RAB11FIP4: variants seen among roughly 807,000 people sequenced by gnomAD.
RAB11FIP4 encodes rab11 family-interacting protein 4.
Under a neutral mutation model 74.3 loss-of-function variants are expected in RAB11FIP4, and 23 were observed. The observed-to-expected ratio is 0.31, with a 90% CI of 0.22 to 0.44. The LOEUF (loss-of-function observed/expected upper bound fraction) is 0.44. Ranked by LOEUF, RAB11FIP4 falls within the 20% of genes least tolerant of loss-of-function variation. The pLI, the probability that RAB11FIP4 is intolerant of heterozygous loss-of-function variation, is 1.00. For synonymous variants in RAB11FIP4, 360 were observed against 359.9 expected (o/e 1.00, Z 0.00); for missense variants, 630 against 863.9 (o/e 0.73, Z 3.39).
intron 5 of RAB11FIP4, 149 bp from the exon 6 acceptor site, chr17:31,521,766 G>C: frequency 1.2e-6 from 1 of 833,264 alleles, no homozygotes. Flanking sequence ...GAGAAGGGAT[G>C]ATCTGTTGCT....
intron 1 of RAB11FIP4, among the ~76,000 whole-genome samples, chr17:31,393,950 G>T (rs150848259): frequency 6.6e-6 from 1 of 152,084 alleles, no homozygotes; most frequent in African/African-American, 2.4e-5. Context: ...TATGCACACA[G>T]CTTAGGGTGG....
At chr17:31,524,970 A>T in intron 9 of RAB11FIP4, 120 bp from the exon 10 acceptor site, 2 of 1,204,232 alleles carry the variant, frequency 1.7e-6, no homozygotes, top group Non-Finnish European at 2.4e-6. Flanking sequence ...ACTGGCCCAC[A>T]CGCCCTCAGT....
chr17:31,417,559 C>T (rs1344233720), intron 1 of RAB11FIP4, among the ~76,000 whole-genome samples: 1 of 152,218 alleles, frequency 6.6e-6, no homozygotes, highest in Non-Finnish European at 1.5e-5. Flanking sequence ...TAGACGATGT[C>T]AGGTGCCCAG....
chr17:31,478,936 T>C lies in RAB11FIP4; in HGVS notation c.337-38715T>C, dbSNP rs921782304. ...ATTGCTCATGGTCTTCAATCATCCT[T>C]ACCAATTAGTTTCTGCTGCTTCCCA... On this transcript the variant is annotated intron_variant, in intron 3 of 14. Coordinates refer to ENST00000621161, the MANE Select transcript of RAB11FIP4 (RefSeq NM_032932.6). Among the ~76,000 whole-genome samples, 11 of 152,356 alleles carry C rather than the reference T, an allele frequency of 7.2e-5. No homozygotes were observed. The East Asian group carries it at 1.9e-3, about 27-fold the overall frequency.
rs983307291 is a variant in RAB11FIP4 at position 31,525,131 on chromosome 17, C to T, written c.1175C>T (p.Thr392Met). ...LEEMVKDQET[T>M]AEQALEEEAR... ...GAGATGGTGAAGGATCAGGAGACCA[C>T]GGCCGAGCAGGCTCTGGAGGAGGAG... Residue 392 changes from threonine (T) to methionine (M), a missense_variant, in exon 10 of 15, where the codon ACG becomes ATG. Transcript: ENST00000621161. The T allele has an allele frequency of 7.1e-6, 11 of 1,550,282 alleles. No homozygotes were observed. The highest frequency in any genetic ancestry group is 1.2e-5 in the South Asian group (1 of 84,010).
intron 1 of RAB11FIP4, among the ~76,000 whole-genome samples, chr17:31,425,536 A>G (rs1433007466): frequency 2.0e-5 from 3 of 152,200 alleles, no homozygotes; most frequent in African/African-American, 7.2e-5. Context: ...GCTTTTTAAC[A>G]TCATCTGGTC....
chr17:31,518,547 T>C (rs2072603657), intron 4 of RAB11FIP4: 1 of 152,190 alleles, frequency 6.6e-6, no homozygotes. Flanking sequence ...ATGTCTGCAC[T>C]AAGTTCAGCA....
In RAB11FIP4 at chr17:31,532,174, C is replaced by T. The variant is rs1023993404; in HGVS notation, c.*442C>T. 7 of 160,088 alleles carry T rather than the reference C, an allele frequency of 4.4e-5. No homozygotes were observed. The highest frequency in any genetic ancestry group is 4.2e-4 in the Admixed American group (7 of 16,866). 9.9% of individuals were successfully genotyped at this position (160,088 alleles called of 1,614,324 possible). ...GAGTGGGAGCAAAATTGTGATCTTT[C>T]CTAGGAGTTTGAATGCCCCATATTT... On this transcript the variant is annotated 3_prime_UTR_variant, in exon 15 of 15. Transcript: ENST00000621161.
rs144154728 is a variant in RAB11FIP4, at chr17:31,513,931, C to T, written c.337-3720C>T. On this transcript the variant is annotated intron_variant, in intron 3 of 14. Coordinates refer to ENST00000621161, the MANE Select transcript of RAB11FIP4 (RefSeq NM_032932.6). ...AGCCTCATCTTCCCCAGGTGTCAGA[C>T]GGAGCTGATGAATCCCAGATCTCTG... 8.9e-4 allele frequency among the ~76,000 whole-genome samples: 136 copies of T among 152,294 alleles called. 1 individual carries two copies. The highest frequency in any genetic ancestry group is 3.2e-3 in the African/African-American group (132 of 41,558).
chr17:31,454,148 C>G (rs1277014148), intron 3 of RAB11FIP4, among the ~76,000 whole-genome samples: 1 of 152,200 alleles, frequency 6.6e-6, no homozygotes, highest in East Asian at 1.9e-4. Context: ...ACCTGCCGAG[C>G]CAGAGGGCAA....
intron 3 of RAB11FIP4, among the ~76,000 whole-genome samples, chr17:31,503,226 T>G (rs2142773824): frequency 6.7e-6 from 1 of 149,896 alleles, no homozygotes; most frequent in South Asian, 2.1e-4. Context: ...AGAGACTGGA[T>G]TTCAACATGT....
At chr17:31,463,545 A>G (rs552278720) in intron 3 of RAB11FIP4, among the ~76,000 whole-genome samples, 4 of 152,234 alleles carry the variant, frequency 2.6e-5, no homozygotes, top group Admixed American at 1.3e-4. Context: ...GGCCAGAGGC[A>G]GCCAGCATGT....
intron 1 of RAB11FIP4, among the ~76,000 whole-genome samples, chr17:31,402,491 T>G (rs960696249): frequency 2.6e-5 from 4 of 152,158 alleles, no homozygotes; most frequent in Admixed American, 2.0e-4. Context: ...CTGCCCTCTA[T>G]GGAATCAACT....
intron 3 of RAB11FIP4, among the ~76,000 whole-genome samples, chr17:31,472,352 CG>C (rs2142729569): frequency 6.6e-6 from 1 of 152,230 alleles, no homozygotes; most frequent in South Asian, 2.1e-4. Flanking sequence ...CCCTGGGGGT[CG>C]GGGCCAGCCG....
At chr17:31,416,188 C>T (rs537060440) in intron 1 of RAB11FIP4, among the ~76,000 whole-genome samples, 4 of 152,282 alleles carry the variant, frequency 2.6e-5, no homozygotes, top group African/African-American at 7.2e-5. Flanking sequence ...TTGCCCTGGG[C>T]GCCACTAATT....
rs1018633384 is a variant in RAB11FIP4 at position 31,522,466 on chromosome 17, C to T, written c.929+71C>T. 12 of 1,492,920 alleles carry T rather than the reference C, an allele frequency of 8.0e-6. No homozygotes were observed. In the African/African-American group the frequency reaches 1.4e-4, roughly 17 times the overall value. The allele number at this position is 1,492,920 out of a possible 1,614,324, so 92.5% of individuals were successfully genotyped here. A position where few individuals can be genotyped will look rare whatever the true frequency, so the allele number is the denominator to read the frequency against. On this transcript the variant is annotated intron_variant, in intron 7 of 14. Transcript: ENST00000621161. The stretch of plus-strand genomic sequence containing the variant: ...CTGCCCACTGGCCGGGGCTCCCTGC[C>T]AGCAGCCCGGACTCAGCTGGTGCCC...
chr17:31,530,600 A>G (rs937061325), intron 14 of RAB11FIP4, 131 bp downstream of exon 14: 8 of 1,182,070 alleles, frequency 6.8e-6, no homozygotes, highest in South Asian at 2.9e-5. Flanking sequence ...GCTACCCCAC[A>G]TGACAGGGCA....
intron 1 of RAB11FIP4, among the ~76,000 whole-genome samples, chr17:31,426,319 G>A (rs1367397815): frequency 2.6e-5 from 4 of 152,146 alleles, no homozygotes; most frequent in Non-Finnish European, 4.4e-5. Flanking sequence ...CCACTGCAGT[G>A]ACTTTGTCTA....
At chr17:31,468,048 C>T (rs181420886) in intron 3 of RAB11FIP4, among the ~76,000 whole-genome samples, 70 of 152,244 alleles carry the variant, frequency 4.6e-4, no homozygotes, top group Non-Finnish European at 7.8e-4. Context: ...GTGAGCTGCG[C>T]TGGTCCATTG....
Sources: allele counts gnomAD v4.1 joint callset (sites outside exome capture counted in the v4.1 genomes callset), GRCh38; gene constraint gnomAD v4.1.1; transcripts MANE v1.5; gene names NCBI Gene and HGNC (gene_info 2026-07-23, HGNC 2026-07-21).